Variants in SLC25A21 observed in about 807,000 individuals in gnomAD.
SLC25A21 encodes mitochondrial 2-oxodicarboxylate carrier.
A neutral mutation model predicts 43.8 loss-of-function variants in SLC25A21; 47 were observed. The observed-to-expected ratio is 1.07, with a 90% CI of 0.85 to 1.37. SLC25A21 has a LOEUF of 1.37. SLC25A21 is among the 40% of genes most tolerant of loss of function. The pLI, the probability that SLC25A21 is intolerant of heterozygous loss-of-function variation, is 0.00. For synonymous variants in SLC25A21, 131 were observed against 121.3 expected, an observed-to-expected ratio of 1.08 and a Z score of -0.52; for missense variants, 352 against 350.2, an observed-to-expected ratio of 1.00 and a Z score of -0.04.
intron 1 of SLC25A21, among the ~76,000 whole-genome samples, chr14:37,104,334 T>G (rs1962873411): frequency 6.6e-6 from 1 of 152,188 alleles, no homozygotes; most frequent in African/African-American, 2.4e-5. Flanking sequence ...TGCTGGCACC[T>G]TGATCTCGGC....
intron 1 of SLC25A21, among the ~76,000 whole-genome samples, chr14:37,071,782 G>A (rs1962178324): frequency 6.6e-6 from 1 of 152,186 alleles, no homozygotes; most frequent in African/African-American, 2.4e-5. Flanking sequence ...CTAAGATGCA[G>A]TCATTCCTCA....
intron 1 of SLC25A21, among the ~76,000 whole-genome samples, chr14:37,072,056 C>A (rs1962183732): frequency 6.6e-6 from 1 of 151,760 alleles, no homozygotes; most frequent in African/African-American, 2.4e-5. Context: ...GTGGCAGGCA[C>A]CTGTAATCCC....
At position 36,714,509 on chromosome 14, in the gene SLC25A21, G is replaced by A. The variant is rs554964835; in HGVS notation, c.439-3027C>T. 5.9e-5 allele frequency among the ~76,000 whole-genome samples: 9 copies of A among 152,286 alleles called. No individual in the cohort carries two copies. The East Asian group carries it at 1.7e-3, about 29-fold the overall frequency. On this transcript the variant is annotated intron_variant, in intron 6 of 9. Coordinates refer to ENST00000331299, the MANE Select transcript of SLC25A21 (RefSeq NM_030631.4). ...CTTATCCCTCAAGGTGAGTACCCTGGCTAAGATCTCTGCATATGGCAAGTC... is the reference window on the plus strand; with the variant it reads ...CTTATCCCTCAAGGTGAGTACCCTGACTAAGATCTCTGCATATGGCAAGTC...
In SLC25A21 at chr14:36,888,792, C is replaced by G. The variant is rs1890996798; in HGVS notation, c.71-13788G>C. Among the ~76,000 whole-genome samples the G allele has an allele frequency of 2.6e-5, 4 of 152,214 alleles. No homozygotes were observed. The South Asian group carries it at 8.3e-4, about 32-fold the overall frequency. ...ATTTGTAGGTCACAGGTAGCCAGGT[C>G]TTTTCTTCCCATTACTCATGGACAC... is the stretch of plus-strand genomic sequence containing the variant. On this transcript the variant is annotated intron_variant, in intron 1 of 9. Transcript: ENST00000331299.
At chr14:37,120,926 A>C (rs1963195960) in intron 1 of SLC25A21, among the ~76,000 whole-genome samples, 1 of 152,260 alleles carries the variant, frequency 6.6e-6, no homozygotes, top group South Asian at 2.1e-4. Flanking sequence ...TTATAAGGGG[A>C]AAATTGAGAG....
intron 7 of SLC25A21, 124 bp downstream of exon 7, chr14:36,711,194 A>T: frequency 1.2e-6 from 1 of 838,030 alleles, no homozygotes; most frequent in Non-Finnish European, 1.8e-6. Context: ...AGATGTAAGG[A>T]TCAAATTAGA....
At chr14:37,097,440 G>A (rs77009148) in intron 1 of SLC25A21, among the ~76,000 whole-genome samples, 8,507 of 152,056 alleles carry the variant, frequency 0.056, 804 homozygotes, top group African/African-American at 0.19. Context: ...AAAATTTGAT[G>A]TTCCTGGGGG....
intron 1 of SLC25A21, among the ~76,000 whole-genome samples, chr14:37,168,460 T>C (rs765181625): frequency 2.6e-4 from 40 of 152,146 alleles, no homozygotes; most frequent in Non-Finnish European, 5.3e-4. Flanking sequence ...TATATCGTTA[T>C]AGAAAATACC....
chr14:36,894,818 TTC>T (rs1244084107), intron 1 of SLC25A21, among the ~76,000 whole-genome samples: 2 of 152,220 alleles, frequency 1.3e-5, no homozygotes, highest in Non-Finnish European at 2.9e-5. Context: ...TTGTCATTGG[TTC>T]TGTTTATATG....
At chr14:37,055,089 T>C (rs1160099645) in intron 1 of SLC25A21, among the ~76,000 whole-genome samples, 2 of 152,198 alleles carry the variant, frequency 1.3e-5, no homozygotes, top group South Asian at 2.1e-4. Context: ...GGAAATCTTA[T>C]ACCCTTGTCA....
At chr14:36,807,883 T>G (rs1888101290) in intron 3 of SLC25A21, among the ~76,000 whole-genome samples, 1 of 152,208 alleles carries the variant, frequency 6.6e-6, no homozygotes, top group Non-Finnish European at 1.5e-5. Context: ...TGAAAGGCAC[T>G]TAAATGAGTG....
intron 2 of SLC25A21, among the ~76,000 whole-genome samples, chr14:36,858,866 C>T (rs963424548): frequency 6.6e-6 from 1 of 152,114 alleles, no homozygotes; most frequent in Non-Finnish European, 1.5e-5. Context: ...ATTTTAGGGT[C>T]ATTTCTTTTT....
chr14:36,694,272 A>G (rs912106550), intron 7 of SLC25A21, among the ~76,000 whole-genome samples: 4 of 152,182 alleles, frequency 2.6e-5, no homozygotes, highest in African/African-American at 9.7e-5. Context: ...ATAGTATTCC[A>G]TGGTGTATAT....
chr14:36,764,083 G>GAAAGAAAGAAAGAAAGAAAGAAAGAAA (rs1213150423), intron 3 of SLC25A21, among the ~76,000 whole-genome samples: 2 of 19,738 alleles, frequency 1.0e-4, no homozygotes, highest in Non-Finnish European at 1.9e-4. Context: ...AAAGAAAGAA[G>GAAAGAAAGAAAGAAAGAAAGAAAGAAA]GAAGGAAGGA....
chr14:36,970,492 TCTAA>T (rs1205828647), intron 1 of SLC25A21, among the ~76,000 whole-genome samples: 2 of 152,268 alleles, frequency 1.3e-5, no homozygotes, highest in South Asian at 4.1e-4. Context: ...GTATAATAAA[TCTAA>T]CTAATTATGA....
intron 7 of SLC25A21, among the ~76,000 whole-genome samples, chr14:36,694,844 C>T (rs1252506008): frequency 6.6e-6 from 1 of 152,110 alleles, no homozygotes; most frequent in Non-Finnish European, 1.5e-5. Context: ...AAAATTTTCT[C>T]CCATTCTGTA....
At chr14:36,728,550 A>G (rs374789481) in intron 5 of SLC25A21, among the ~76,000 whole-genome samples, 4 of 152,362 alleles carry the variant, frequency 2.6e-5, no homozygotes, top group South Asian at 2.1e-4. Flanking sequence ...TCTCCCAGCT[A>G]TCTTGTATAG....
chr14:36,922,927 GC>G (rs1474851418), intron 1 of SLC25A21, among the ~76,000 whole-genome samples: 1 of 152,100 alleles, frequency 6.6e-6, no homozygotes, highest in Non-Finnish European at 1.5e-5. Context: ...AATTTACAAT[GC>G]CCAGAATTCA....
chr14:36,883,591 A>G (rs1890819758), intron 1 of SLC25A21, among the ~76,000 whole-genome samples: 1 of 152,188 alleles, frequency 6.6e-6, no homozygotes, highest in Non-Finnish European at 1.5e-5. Context: ...CATATTATCC[A>G]TCGATATGCA....
Sources: allele counts gnomAD v4.1 joint callset (sites outside exome capture counted in the v4.1 genomes callset), GRCh38; gene constraint gnomAD v4.1.1; transcripts MANE v1.5; gene names NCBI Gene and HGNC (gene_info 2026-07-23, HGNC 2026-07-21).